PODXL2: variants seen among roughly 807,000 people sequenced by gnomAD.
PODXL2 encodes podocalyxin like 2, also known as podocalyxin-like protein 2.
Under a neutral mutation model 53.4 loss-of-function variants are expected in PODXL2, and 17 were observed. That is an observed-to-expected ratio of 0.32 (90% CI 0.22 to 0.48). The LOEUF is 0.48. Among genes scored for constraint, PODXL2 ranks in the 20% least tolerant of loss-of-function variants. The pLI is 0.99. For missense variants in PODXL2, 673 were observed against 760.0 expected, an observed-to-expected ratio of 0.89 and a Z score of 1.35; for synonymous variants, 311 against 306.7, an observed-to-expected ratio of 1.01 and a Z score of -0.15.
At chr3:127,671,245 G>A (rs950350533) in intron 6 of PODXL2, among the ~76,000 whole-genome samples, 189 bp from the exon 7 acceptor site, 6 of 152,104 alleles carry the variant, frequency 3.9e-5, no homozygotes, top group Non-Finnish European at 7.4e-5. Flanking sequence ...AGGCCTCCAG[G>A]TGTACTGAGG....
chr3:127,639,322 C>T lies in PODXL2; in HGVS notation c.148C>T (p.Leu50Phe), dbSNP rs1449873616. 2 of 1,614,108 alleles carry T rather than the reference C, an allele frequency of 1.2e-6. No homozygotes were observed. The highest frequency in any genetic ancestry group is 2.2e-5 in the East Asian group (1 of 44,888). The part of the protein sequence containing the change: ...EGLTSTSLLD[L>F]LLPTGLEPLD... Reference sequence around the variant, plus strand: ...CCTCACCTCCACCTCCCTGCTAGACCTCCTGCTGCCCACTGGCTTGGAGCC... The same window carrying T: ...CCTCACCTCCACCTCCCTGCTAGACTTCCTGCTGCCCACTGGCTTGGAGCC... Residue 50 changes from leucine to phenylalanine, a missense_variant, in exon 2 of 8, where the codon CTC (leucine) becomes TTC (phenylalanine). Around this residue, in one of 3 missense-constraint regions of PODXL2, gnomAD observed 588 missense variants for 668.3 expected, o/e 0.88. Transcript: ENST00000342480.
At chr3:127,654,968 A>G (rs1252535029) in intron 2 of PODXL2, among the ~76,000 whole-genome samples, 1 of 151,942 alleles carries the variant, frequency 6.6e-6, no homozygotes, top group African/African-American at 2.4e-5. Flanking sequence ...TGTGAGACAG[A>G]GTCTCACTCT....
intron 6 of PODXL2, among the ~76,000 whole-genome samples, chr3:127,670,744 C>T (rs1393839513): frequency 2.0e-5 from 3 of 152,234 alleles, no homozygotes; most frequent in Non-Finnish European, 2.9e-5. Flanking sequence ...GCTCGCCCTC[C>T]TGCTTCTCTC....
intron 6 of PODXL2, among the ~76,000 whole-genome samples, 163 bp from the exon 7 acceptor site, chr3:127,671,271 T>TGGG (rs915335690): frequency 4.6e-5 from 7 of 151,986 alleles, no homozygotes; most frequent in Admixed American, 1.3e-4. Flanking sequence ...GGGATGGGCA[T>TGGG]GGGGTAGAGG....
At chr3:127,631,292 T>C (rs192795710) in intron 1 of PODXL2, among the ~76,000 whole-genome samples, 15 of 152,228 alleles carry the variant, frequency 9.9e-5, no homozygotes, top group Admixed American at 7.9e-4. Flanking sequence ...AAGACCCTGC[T>C]TAGGGGAGAG....
Position 127,668,462 on chromosome 3 carries a change from G to C in PODXL2, c.1228G>C (p.Gly410Arg). Reference sequence around the variant, plus strand: ...GTAGGAGGTGTTCCGGCAGCACCGGGGGCCACAGCTCCTGGCCCTGGTGGA... The same window carrying C: ...GTAGGAGGTGTTCCGGCAGCACCGGCGGCCACAGCTCCTGGCCCTGGTGGA... The part of the protein sequence containing the change: ...IDCEVFRQHR[G>R]PQLLALVEEV... Residue 410 changes from glycine (G) to arginine (R), a missense_variant, in exon 5 of 8, where the codon GGG becomes CGG. Around this residue, in one of 3 missense-constraint regions of PODXL2, gnomAD observed 588 missense variants for 668.3 expected, o/e 0.88. Coordinates refer to ENST00000342480, the MANE Select transcript of PODXL2 (RefSeq NM_015720.4). 6.4e-7 allele frequency: 1 copy of C among 1,551,298 alleles called. No homozygotes were observed. Among genetic ancestry groups the C allele is most frequent in the Non-Finnish European group, 8.7e-7 (1 of 1,149,998 alleles).
chr3:127,629,784 C>T lies in PODXL2; in HGVS notation c.70+495C>T, dbSNP rs1033604799. 1.3e-5 allele frequency among the ~76,000 whole-genome samples: 2 copies of T among 151,992 alleles called. No individual in the cohort carries two copies. Among genetic ancestry groups the T allele is most frequent in the African/African-American group, 4.8e-5 (2 of 41,390 alleles). On this transcript the variant is annotated intron_variant, in intron 1 of 7. Transcript: ENST00000342480. The surrounding 1 kb of genome is among the most constrained non-coding windows in gnomAD (Gnocchi z 6.4). Reference sequence around the variant, plus strand: ...ACGCTGAGGCGCGGGTGGCTGTTTACGCGTGGCGTTGCCGGGAGGGAGTGT... The same window carrying T: ...ACGCTGAGGCGCGGGTGGCTGTTTATGCGTGGCGTTGCCGGGAGGGAGTGT...
At chr3:127,634,712 G>A (rs1289892422) in intron 1 of PODXL2, among the ~76,000 whole-genome samples, 1 of 152,134 alleles carries the variant, frequency 6.6e-6, no homozygotes, top group Non-Finnish European at 1.5e-5. Flanking sequence ...GGCGACAAGA[G>A]TGAAACTGTC....
intron 2 of PODXL2, among the ~76,000 whole-genome samples, chr3:127,653,691 A>G (rs1172311727): frequency 1.3e-5 from 2 of 151,788 alleles, no homozygotes; most frequent in East Asian, 3.9e-4. Flanking sequence ...TCACATGTGC[A>G]CGCTCTCTCT....
At chr3:127,631,894 A>G (rs2074549109) in intron 1 of PODXL2, among the ~76,000 whole-genome samples, 1 of 152,230 alleles carries the variant, frequency 6.6e-6, no homozygotes, top group Non-Finnish European at 1.5e-5. Flanking sequence ...AAAACCGGGA[A>G]AATACCAGAT....
chr3:127,651,655 GT>G (rs1271747764), intron 2 of PODXL2, among the ~76,000 whole-genome samples: 3 of 152,242 alleles, frequency 2.0e-5, no homozygotes, highest in African/African-American at 7.2e-5. Context: ...GTAGCCTCCT[GT>G]GGTCCCTTCC....
chr3:127,642,506 A>T (rs1417704587), intron 2 of PODXL2, among the ~76,000 whole-genome samples: 1 of 152,014 alleles, frequency 6.6e-6, no homozygotes, highest in Non-Finnish European at 1.5e-5. Context: ...AGGCACAGTG[A>T]GACCAGGGAA....
At chr3:127,640,308 T>C (rs2074607305) in intron 2 of PODXL2, among the ~76,000 whole-genome samples, 1 of 152,188 alleles carries the variant, frequency 6.6e-6, no homozygotes, top group Admixed American at 6.5e-5. Flanking sequence ...CTTTAATTTT[T>C]CTTTTTAAAA....
rs567638783 is a variant in PODXL2 at position 127,647,613 on chromosome 3, G to A, written c.349+8090G>A. Among the ~76,000 whole-genome samples, 81 of 152,332 alleles carry A rather than the reference G, an allele frequency of 5.3e-4. No homozygotes were observed. The South Asian group carries it at 0.016, about 30-fold the overall frequency. ...CAGGCTTCCAGCTCCAGCACTCGGCGTGCCGCCCTCAACGTGCTGGAGCCT... is the reference window on the plus strand; with the variant it reads ...CAGGCTTCCAGCTCCAGCACTCGGCATGCCGCCCTCAACGTGCTGGAGCCT... On this transcript the variant is annotated intron_variant, in intron 2 of 7. Coordinates refer to ENST00000342480, the MANE Select transcript of PODXL2 (RefSeq NM_015720.4).
chr3:127,639,140 C>T (rs888190483), intron 1 of PODXL2, 105 bp from the exon 2 acceptor site: 14 of 1,166,354 alleles, frequency 1.2e-5, no homozygotes, highest in Non-Finnish European at 1.6e-5. Context: ...CCACTGAAGT[C>T]CCCCCTTCCC....
chr3:127,653,758 G>A (rs535552758), intron 2 of PODXL2, among the ~76,000 whole-genome samples: 83 of 151,976 alleles, frequency 5.5e-4, no homozygotes, highest in Non-Finnish European at 9.4e-4. Flanking sequence ...GAATAATTCC[G>A]TCCACCCCTT....
intron 2 of PODXL2, among the ~76,000 whole-genome samples, chr3:127,642,330 C>T (rs547777894): frequency 4.6e-5 from 7 of 151,120 alleles, no homozygotes; most frequent in East Asian, 1.9e-4. Flanking sequence ...CAGCATCCCA[C>T]GCGGAAACAG....
Position 127,672,507 on chromosome 3 carries a change from G to C in PODXL2, c.*27G>C. On this transcript the variant is annotated 3_prime_UTR_variant, in exon 8 of 8. Transcript: ENST00000342480. ...CGCAGCCGAGGCGCAGGCCGAGTGG[G>C]CCGCCAGGACCAAGCGAGGTGGACC... is the stretch of plus-strand genomic sequence containing the variant. 7.1e-7 allele frequency: 1 copy of C among 1,410,654 alleles called. No homozygotes were observed. The allele number at this position is 1,410,654 out of a possible 1,614,324, so 87.4% of individuals were successfully genotyped here. A position where few individuals can be genotyped will look rare whatever the true frequency, so the allele number is the denominator to read the frequency against.
chr3:127,672,442 G>A lies in PODXL2; in HGVS notation c.1780G>A (p.Glu594Lys). ...GCTCATGGGGGGCAAGCGGGACCCC[G>A]AGGACTCGGACGTGTTCGAGGAGGA... ...GALMGGKRDP[E>K]DSDVFEEDTH... Residue 594 changes from glutamate (E) to lysine (K), a missense_variant, in exon 8 of 8, where the codon GAG becomes AAG. This residue lies in a region of PODXL2 where 79 missense variants were observed against 70.5 expected (regional missense o/e 1.12). Coordinates refer to ENST00000342480, the MANE Select transcript of PODXL2 (RefSeq NM_015720.4). 1.3e-6 allele frequency: 2 copies of A among 1,538,116 alleles called. No homozygotes were observed.
Sources: allele counts gnomAD v4.1 joint callset (sites outside exome capture counted in the v4.1 genomes callset), GRCh38; gene constraint gnomAD v4.1.1; regional missense constraint gnomAD v4.1.1; non-coding constraint Gnocchi (gnomAD v3.1); transcripts MANE v1.5; gene names NCBI Gene and HGNC (gene_info 2026-07-23, HGNC 2026-07-21).